SLC38A1: variants seen among roughly 807,000 people sequenced by gnomAD.
SLC38A1 encodes sodium-coupled neutral amino acid symporter 1.
A neutral mutation model predicts 60.3 loss-of-function variants in SLC38A1; 18 were observed. That is an observed-to-expected ratio of 0.30 (90% CI 0.21 to 0.44). The LOEUF (loss-of-function observed/expected upper bound fraction) is 0.44. Ranked by LOEUF, SLC38A1 falls within the 20% of genes least tolerant of loss-of-function variation. The pLI, the probability that SLC38A1 is intolerant of heterozygous loss-of-function variation, is 1.00. For synonymous variants in SLC38A1, 196 were observed against 212.1 expected (o/e 0.92, Z 0.66); for missense variants, 448 against 587.2 (o/e 0.76, Z 2.45).
chr12:46,210,774 C>T lies in SLC38A1; in HGVS notation c.315-1647G>A, dbSNP rs12828089. On this transcript the variant is annotated intron_variant, in intron 5 of 16. Coordinates refer to ENST00000398637, the MANE Select transcript of SLC38A1 (RefSeq NM_030674.4). ...CTGCGGGCAAGTAAAATGTGTTGTT[C>T]GCCTTCCGCCATAATTGTGAGGCCT... is the stretch of plus-strand genomic sequence containing the variant. 8.5e-5 allele frequency among the ~76,000 whole-genome samples: 13 copies of T among 152,092 alleles called. 1 individual carries two copies. In the South Asian group the frequency reaches 1.7e-3, roughly 19 times the overall value.
chr12:46,196,235 G>C (rs1470129065), intron 16 of SLC38A1: 7 of 1,535,972 alleles, frequency 4.6e-6, no homozygotes, highest in Non-Finnish European at 6.1e-6. Context: ...TGCATTCTGA[G>C]AGCCAACAGG....
In SLC38A1 at chr12:46,266,780, A is replaced by T. The variant is rs184645775; in HGVS notation, c.-209+1746T>A. Among the ~76,000 whole-genome samples, 188 of 152,232 alleles carry T rather than the reference A, an allele frequency of 1.2e-3. 2 individuals are homozygous for T. The highest frequency in any genetic ancestry group is 4.0e-3 in the African/African-American group (168 of 41,542). On this transcript the variant is annotated intron_variant, in intron 1 of 16. Transcript: ENST00000398637. ...AAATGTTTATTGGCCACATTTTTTTAAAAAGCGAATAAACCTCAAGATTAA... is the reference window on the plus strand; with the variant it reads ...AAATGTTTATTGGCCACATTTTTTTTAAAAGCGAATAAACCTCAAGATTAA...
chr12:46,218,761 C>A (rs1439598484), intron 5 of SLC38A1, among the ~76,000 whole-genome samples: 2 of 152,050 alleles, frequency 1.3e-5, no homozygotes, highest in African/African-American at 2.4e-5. Context: ...GATCAGAGTT[C>A]TTAAAGATAA....
At chr12:46,222,954 C>T (rs759885753) in intron 5 of SLC38A1, among the ~76,000 whole-genome samples, 7 of 152,128 alleles carry the variant, frequency 4.6e-5, no homozygotes, top group Non-Finnish European at 1.0e-4. Flanking sequence ...ATTGGTGGAA[C>T]ACTAGCAAGA....
At chr12:46,230,543 G>C (rs1393945310) in intron 3 of SLC38A1, among the ~76,000 whole-genome samples, 1 of 152,196 alleles carries the variant, frequency 6.6e-6, no homozygotes, top group African/African-American at 2.4e-5. Context: ...TTAAACATCA[G>C]TCCAGCACCT....
At chr12:46,191,793 T>C (rs1343840746) in intron 16 of SLC38A1, among the ~76,000 whole-genome samples, 1 of 152,240 alleles carries the variant, frequency 6.6e-6, no homozygotes, top group Non-Finnish European at 1.5e-5. Context: ...CCTGAGACTT[T>C]GCTGAAGTTC....
chr12:46,208,006 C>T (rs575007768), intron 6 of SLC38A1, among the ~76,000 whole-genome samples: 2 of 152,244 alleles, frequency 1.3e-5, no homozygotes, highest in South Asian at 4.1e-4. Context: ...ATAGTTGAAA[C>T]AAAAAGATTC....
chr12:46,231,869 G>T (rs1307061981), intron 3 of SLC38A1, among the ~76,000 whole-genome samples: 1 of 152,114 alleles, frequency 6.6e-6, no homozygotes, highest in Non-Finnish European at 1.5e-5. Flanking sequence ...TGAACTCCTG[G>T]CCTCCCAAAG....
intron 2 of SLC38A1, among the ~76,000 whole-genome samples, chr12:46,240,946 G>A (rs944757457): frequency 6.6e-6 from 1 of 152,170 alleles, no homozygotes; most frequent in Non-Finnish European, 1.5e-5. Flanking sequence ...AATTTTGGGG[G>A]CACAGCAGCC....
chr12:46,213,888 C>T (rs1940290381), intron 5 of SLC38A1, among the ~76,000 whole-genome samples: 1 of 152,224 alleles, frequency 6.6e-6, no homozygotes, highest in Non-Finnish European at 1.5e-5. Context: ...ACAGAGTCTT[C>T]GCTGAGAATC....
Position 46,206,040 on chromosome 12 carries a change from G to C in SLC38A1, c.646+40C>G, listed in dbSNP as rs185139726. Reference sequence around the variant, plus strand: ...TTTTTATTCAGTTTCTGATTCACTTGGGCACTGCAGAATATGATAAAAGCA... The same window carrying C: ...TTTTTATTCAGTTTCTGATTCACTTCGGCACTGCAGAATATGATAAAAGCA... On this transcript the variant is annotated intron_variant, in intron 9 of 16. Coordinates refer to ENST00000398637, the MANE Select transcript of SLC38A1 (RefSeq NM_030674.4). 2.4e-4 allele frequency: 282 copies of C among 1,198,170 alleles called. No homozygotes were observed. The African/African-American group carries it at 3.8e-3, about 16-fold the overall frequency. 74.2% of individuals were successfully genotyped at this position (1,198,170 alleles called of 1,614,324 possible).
intron 16 of SLC38A1, among the ~76,000 whole-genome samples, chr12:46,196,737 G>A (rs1210831129): frequency 6.6e-6 from 1 of 152,052 alleles, no homozygotes; most frequent in Non-Finnish European, 1.5e-5. Context: ...TAGCTGGGAG[G>A]GCAGCTGAGA....
chr12:46,207,770 T>A (rs1208601047), intron 6 of SLC38A1, 149 bp from the exon 7 acceptor site: 4 of 679,840 alleles, frequency 5.9e-6, no homozygotes, highest in Non-Finnish European at 1.0e-5. Context: ...CTTCAGGGGT[T>A]AAGGTATCCT....
chr12:46,211,445 C>T (rs774111747), intron 5 of SLC38A1, among the ~76,000 whole-genome samples: 6 of 152,158 alleles, frequency 3.9e-5, no homozygotes, highest in Non-Finnish European at 7.4e-5. Flanking sequence ...AGGCCCTAAC[C>T]CTGGAGAACT....
Position 46,184,639 on chromosome 12 carries a change from T to A in SLC38A1, c.*4331A>T, listed in dbSNP as rs769082736. 1.6e-4 allele frequency: 24 copies of A among 152,190 alleles called. No individual in the cohort carries two copies. Among genetic ancestry groups the A allele is most frequent in the Non-Finnish European group, 2.8e-4 (19 of 68,056 alleles). The allele number at this position is 152,190 out of a possible 1,614,324, so 9.4% of individuals were successfully genotyped here. On this transcript the variant is annotated 3_prime_UTR_variant, in exon 17 of 17. Transcript: ENST00000398637. ...TCTTTTGAGAGCAGTTTGTAGCTCC[T>A]TAAGCAGAGCAGACCTTTCAGTAGA...
At chr12:46,254,928 T>C (rs1941972219) in intron 1 of SLC38A1, 1 of 152,488 alleles carries the variant, frequency 6.6e-6, no homozygotes, top group East Asian at 1.9e-4. Flanking sequence ...CTCAAAAGTT[T>C]CCTTGACTCT....
chr12:46,205,016 T>C (rs1939830275), intron 9 of SLC38A1, among the ~76,000 whole-genome samples: 1 of 152,206 alleles, frequency 6.6e-6, no homozygotes. Context: ...ATTGTGTGCA[T>C]ACTGAATGTC....
At chr12:46,196,123 C>G (rs1296218487) in intron 16 of SLC38A1, 1 of 1,533,740 alleles carries the variant, frequency 6.5e-7, no homozygotes, top group Admixed American at 2.0e-5. Flanking sequence ...AGTGTGAGAA[C>G]AGACTAATAC....
At chr12:46,240,553 A>G (rs1454237675) in intron 2 of SLC38A1, among the ~76,000 whole-genome samples, 1 of 152,214 alleles carries the variant, frequency 6.6e-6, no homozygotes, top group African/African-American at 2.4e-5. Flanking sequence ...CAGATCGCAG[A>G]GCACACACAT....
Sources: gnomAD v4.1 joint callset for allele counts (sites outside exome capture counted in the v4.1 genomes callset) on GRCh38, gnomAD v4.1.1 for gene constraint, MANE v1.5 for transcripts, NCBI Gene and HGNC (gene_info 2026-07-23, HGNC 2026-07-21) for gene names.